RBM19: variants seen among roughly 807,000 people sequenced by gnomAD.
RBM19 encodes probable RNA-binding protein 19.
A neutral mutation model predicts 116.8 loss-of-function variants in RBM19; 94 were observed. The observed-to-expected ratio is 0.80, with a 90% CI of 0.68 to 0.95. The LOEUF (loss-of-function observed/expected upper bound fraction) is 0.95. RBM19 is among the 40% of genes least tolerant of loss of function. The pLI is 0.00. For synonymous variants in RBM19, 475 were observed against 494.1 expected, an observed-to-expected ratio of 0.96 and a Z score of 0.51; for missense variants, 1,161 against 1,220.7, an observed-to-expected ratio of 0.95 and a Z score of 0.73.
intron 23 of RBM19, 81 bp downstream of exon 23, chr12:113,844,587 C>A (rs1000157775): frequency 7.4e-5 from 112 of 1,512,746 alleles, no homozygotes; most frequent in Non-Finnish European, 9.8e-5. Context: ...GGGTCGAGGG[C>A]AGTTCTCTCA....
At chr12:113,826,262 T>C (rs1352438167) in intron 23 of RBM19, among the ~76,000 whole-genome samples, 1 of 152,248 alleles carries the variant, frequency 6.6e-6, no homozygotes, top group Non-Finnish European at 1.5e-5. Context: ...CTGTGTGTCA[T>C]GTTTCCACTT....
chr12:113,824,441 C>G (rs553689718), intron 23 of RBM19, among the ~76,000 whole-genome samples: 1 of 152,200 alleles, frequency 6.6e-6, no homozygotes, highest in African/African-American at 2.4e-5. Flanking sequence ...CTGTCAGTCC[C>G]TCTGCTAGTC....
chr12:113,850,770 C>G (rs1407558739), intron 22 of RBM19, among the ~76,000 whole-genome samples: 1 of 152,252 alleles, frequency 6.6e-6, no homozygotes, highest in African/African-American at 2.4e-5. Flanking sequence ...CTGGCCCCTT[C>G]TGCTCCTCAG....
intron 21 of RBM19, among the ~76,000 whole-genome samples, chr12:113,901,678 T>G (rs1369620980): frequency 6.6e-6 from 1 of 152,026 alleles, no homozygotes; most frequent in Admixed American, 6.6e-5. Context: ...CTGGCTAATT[T>G]TTTTTTTTCT....
intron 20 of RBM19, 133 bp downstream of exon 20, chr12:113,918,259 G>C (rs1882894056): frequency 1.2e-6 from 1 of 854,456 alleles, no homozygotes. Context: ...ATCTTAATTA[G>C]GAAGAGTCCT....
intron 21 of RBM19, among the ~76,000 whole-genome samples, chr12:113,914,043 G>A (rs1010773565): frequency 1.3e-5 from 2 of 152,256 alleles, no homozygotes; most frequent in South Asian, 4.1e-4. Flanking sequence ...GCTGGGTGGT[G>A]CCTACCTAAT....
intron 21 of RBM19, among the ~76,000 whole-genome samples, chr12:113,899,967 G>A (rs1463444418): frequency 2.6e-5 from 4 of 152,196 alleles, no homozygotes; most frequent in Non-Finnish European, 5.9e-5. Context: ...GTTAGAGTGA[G>A]CTGCCGCGGC....
intron 23 of RBM19, among the ~76,000 whole-genome samples, chr12:113,838,384 A>C (rs1308238225): frequency 6.6e-6 from 1 of 152,218 alleles, no homozygotes; most frequent in East Asian, 1.9e-4. Context: ...CAGGATGAGC[A>C]TGCAAACTCC....
Position 113,937,001 on chromosome 12 carries a change from T to C in RBM19, c.2068+6A>G. ...AAGCCATCCTGGTCTCAGACTCAGC[T>C]CTTACCTGTTTCTGGCTCTGCTGGG... On this transcript the variant is annotated splice_donor_region_variant and intron_variant, in intron 16 of 23. Transcript: ENST00000261741. The C allele has an allele frequency of 6.2e-7, 1 of 1,613,680 alleles. No individual in the cohort carries two copies. Among genetic ancestry groups the C allele is most frequent in the Non-Finnish European group, 8.5e-7 (1 of 1,179,852 alleles).
chr12:113,916,339 G>A (rs1158943857), intron 20 of RBM19, among the ~76,000 whole-genome samples: 3 of 152,160 alleles, frequency 2.0e-5, no homozygotes, highest in South Asian at 2.1e-4. Context: ...CCCAGGAGGC[G>A]GAGGTTGCAG....
chr12:113,826,600 C>T lies in RBM19; in HGVS notation c.2786-3279G>A, dbSNP rs141574900. Among the ~76,000 whole-genome samples the T allele has an allele frequency of 2.9e-3, 444 of 152,304 alleles. 2 individuals are homozygous for T. The highest frequency in any genetic ancestry group is 9.6e-3 in the African/African-American group (401 of 41,568). ...GTGGGGAACAAGCCTGGCTTGGCCC[C>T]ACCTAAGGCTTTCTGGTCTGGCAGG... On this transcript the variant is annotated intron_variant, in intron 23 of 23. Transcript: ENST00000261741.
At chr12:113,947,881 G>A (rs1871167768) in intron 10 of RBM19, among the ~76,000 whole-genome samples, 1 of 152,200 alleles carries the variant, frequency 6.6e-6, no homozygotes, top group African/African-American at 2.4e-5. Flanking sequence ...ATGCCAGGGT[G>A]TGACCGCGTC....
chr12:113,949,235 C>T (rs375541663), intron 9 of RBM19, among the ~76,000 whole-genome samples, 199 bp from the exon 10 acceptor site: 71 of 152,332 alleles, frequency 4.7e-4, no homozygotes, highest in African/African-American at 1.5e-3. Context: ...AAATCTCACT[C>T]ACCCTGCCAG....
chr12:113,937,414 AATCAGAGT>A (rs1298175485), intron 15 of RBM19, among the ~76,000 whole-genome samples: 3 of 152,070 alleles, frequency 2.0e-5, no homozygotes, highest in African/African-American at 7.2e-5. Flanking sequence ...TGTTTTTTCC[AATCAGAGT>A]ATGAAACTCT....
chr12:113,923,570 C>T (rs1868782538), intron 18 of RBM19, among the ~76,000 whole-genome samples: 1 of 152,186 alleles, frequency 6.6e-6, no homozygotes, highest in Non-Finnish European at 1.5e-5. Flanking sequence ...GCATAAAAGC[C>T]ACTTCATGGT....
intron 21 of RBM19, among the ~76,000 whole-genome samples, chr12:113,904,386 G>C (rs1268403518): frequency 6.6e-6 from 1 of 152,216 alleles, no homozygotes; most frequent in Non-Finnish European, 1.5e-5. Context: ...GAGTATCTGT[G>C]AGTGCAAATA....
At chr12:113,885,488 G>C (rs936954919) in intron 21 of RBM19, among the ~76,000 whole-genome samples, 3 of 152,164 alleles carry the variant, frequency 2.0e-5, no homozygotes, top group African/African-American at 7.2e-5. Flanking sequence ...GTTGTTTCCG[G>C]TTCTATGGAG....
chr12:113,914,726 T>C (rs183216632), intron 21 of RBM19, among the ~76,000 whole-genome samples: 3 of 152,358 alleles, frequency 2.0e-5, no homozygotes, highest in African/African-American at 7.2e-5. Context: ...CTGCCTGCCC[T>C]TTCTCCATCT....
At chr12:113,938,717 T>A (rs1199029687) in intron 15 of RBM19, among the ~76,000 whole-genome samples, 1 of 152,070 alleles carries the variant, frequency 6.6e-6, no homozygotes, top group African/African-American at 2.4e-5. Flanking sequence ...AGTGTCCTTA[T>A]AAGAGAAACA....
Sources: allele counts gnomAD v4.1 joint callset (sites outside exome capture counted in the v4.1 genomes callset), GRCh38; gene constraint gnomAD v4.1.1; transcripts MANE v1.5; gene names NCBI Gene and HGNC (gene_info 2026-07-23, HGNC 2026-07-21).